ITGA2: variants seen among roughly 807,000 people sequenced by gnomAD.
ITGA2 encodes integrin subunit alpha 2, also known as integrin alpha-2.
ITGA2 carries 101 observed loss-of-function variants against 146.3 expected under a neutral mutation model. The observed-to-expected ratio is 0.69, with a 90% confidence interval of 0.59 to 0.81. ITGA2 has a LOEUF of 0.81. Ranked by LOEUF, ITGA2 falls within the 40% of genes least tolerant of loss-of-function variation. The pLI, the probability that ITGA2 is intolerant of heterozygous loss-of-function variation, is 0.00. For missense variants in ITGA2, 1,281 were observed against 1,402.7 expected (o/e 0.91, Z 1.39); for synonymous variants, 477 against 487.1 (o/e 0.98, Z 0.27).
In ITGA2 at chr5:53,073,180, A is replaced by G. The variant is rs781397727; in HGVS notation, c.2492A>G (p.Asn831Ser). 1.2e-6 allele frequency: 2 copies of G among 1,612,402 alleles called. No homozygotes were observed. The highest frequency in any genetic ancestry group is 1.3e-5 in the African/African-American group (1 of 74,788). ...KRLTFSVTLK[N>S]KRESAYNTGI... ...TTAACATTTTCAGTAACGCTGAAAA[A>G]TAAAAGGGAAAGTGCATACAACACT... Residue 831 changes from asparagine to serine, a missense_variant, in exon 20 of 30, where the codon AAT becomes AGT. This residue lies in a region of ITGA2 where 475 missense variants were observed against 530.5 expected (regional missense o/e 0.90). Transcript: ENST00000296585.
At chr5:53,035,483 T>G (rs894800920) in intron 2 of ITGA2, among the ~76,000 whole-genome samples, 1 of 152,214 alleles carries the variant, frequency 6.6e-6, no homozygotes, top group East Asian at 1.9e-4. Context: ...TCCCGCTAAC[T>G]GAGGAGACAA....
intron 9 of ITGA2, among the ~76,000 whole-genome samples, chr5:53,056,858 T>C (rs3212526): frequency 0.1 from 15,704 of 151,542 alleles, 937 homozygotes; most frequent in Middle Eastern, 0.16. Context: ...CAAATCCTAG[T>C]TCTTGATGGT....
Position 53,092,592 on chromosome 5 carries a change from A to G in ITGA2, c.*1993A>G, listed in dbSNP as rs994507767. 6.6e-6 allele frequency: 1 copy of G among 151,534 alleles called. No individual in the cohort carries two copies. Among genetic ancestry groups the G allele is most frequent in the African/African-American group, 2.4e-5 (1 of 41,132 alleles). The allele number at this position is 151,534 out of a possible 1,614,324, so 9.4% of individuals were successfully genotyped here. On this transcript the variant is annotated 3_prime_UTR_variant, in exon 30 of 30. Transcript: ENST00000296585. ...GTCCAATTCTTTTAACAGCTGTGAG[A>G]ATTTGCTGCTTCATTCCAACAAAAT...
chr5:53,041,253 G>A (rs1194070757), intron 2 of ITGA2, among the ~76,000 whole-genome samples: 1 of 152,074 alleles, frequency 6.6e-6, no homozygotes. Flanking sequence ...AGTGTCAGGT[G>A]AGTGCTTCTG....
chr5:53,074,489 A>T lies in ITGA2; in HGVS notation c.2664+12A>T. On this transcript the variant is annotated intron_variant, in intron 21 of 29. Coordinates refer to ENST00000296585, the MANE Select transcript of ITGA2 (RefSeq NM_002203.4). ...AGAGAGAACAACAGGTACAACTTGC[A>T]TTTCATCCTCCAATCCATACAAGCC... 1.1e-5 allele frequency: 17 copies of T among 1,598,046 alleles called. No individual in the cohort carries two copies. Among genetic ancestry groups the T allele is most frequent in the Non-Finnish European group, 1.4e-5 (16 of 1,166,062 alleles).
chr5:53,018,539 GC>G (rs1291254676), intron 1 of ITGA2, among the ~76,000 whole-genome samples: 1 of 151,804 alleles, frequency 6.6e-6, no homozygotes, highest in Non-Finnish European at 1.5e-5. Flanking sequence ...CACTCTCAAT[GC>G]CTTCCCTGCA....
rs1225381146 is a variant in ITGA2 at position 53,075,112 on chromosome 5, G to T, written c.2716G>T (p.Ala906Ser). The change falls in exon 22 of 30, where the codon GCG (alanine) becomes TCG (serine). Residue 906 changes from alanine to serine, a missense_variant. Physicochemically the swap from Ala to Ser is moderately conservative, Grantham distance 99 (BLOSUM62 1). Transcript: ENST00000296585. ...DFNLQNLQNQ[A>S]SLSFQALSES... is the part of the protein sequence containing the mutation. Reference sequence around the variant, plus strand: ...CAATCTTCAAAACCTTCAGAATCAGGCGTCTCTCAGTTTCCAAGCCTTAAG... The same window carrying T: ...CAATCTTCAAAACCTTCAGAATCAGTCGTCTCTCAGTTTCCAAGCCTTAAG... The T allele has an allele frequency of 6.2e-7, 1 of 1,611,916 alleles. No individual in the cohort carries two copies.
chr5:53,046,084 G>A (rs1408776151), intron 4 of ITGA2, among the ~76,000 whole-genome samples: 1 of 151,236 alleles, frequency 6.6e-6, no homozygotes, highest in East Asian at 1.9e-4. Flanking sequence ...CCAGCTACTC[G>A]GGAGGCTGAG....
Position 53,070,221 on chromosome 5 carries a change from T to C in ITGA2, c.2196T>C (p.Asn732=). 1.2e-6 allele frequency: 2 copies of C among 1,611,866 alleles called. No individual in the cohort carries two copies. The highest frequency in any genetic ancestry group is 1.7e-6 in the Non-Finnish European group (2 of 1,178,654). ...GCCTGCAGAAGAATATGGTAGTAAA[T>C]CAAGCACAGAGTTGCCCCGAGCACA... The part of the protein sequence containing the change: ...ERCLQKNMVV[N]QAQSCPEHII... The change falls in exon 17 of 30, where the codon AAT becomes AAC. Residue 732 remains asparagine (N), a synonymous_variant. Transcript: ENST00000296585.
intron 1 of ITGA2, among the ~76,000 whole-genome samples, chr5:53,014,145 G>C (rs1381170618): frequency 1.3e-5 from 2 of 152,002 alleles, no homozygotes; most frequent in Non-Finnish European, 2.9e-5. Context: ...TGATAAATAG[G>C]ACTGGTGAGG....
At chr5:53,040,303 A>G (rs549566045) in intron 2 of ITGA2, among the ~76,000 whole-genome samples, 1 of 152,324 alleles carries the variant, frequency 6.6e-6, no homozygotes, top group South Asian at 2.1e-4. Context: ...TGCAAAAATC[A>G]GAGTTAATGC....
At chr5:53,051,803 T>C (rs1744382686) in intron 7 of ITGA2, among the ~76,000 whole-genome samples, 1 of 152,178 alleles carries the variant, frequency 6.6e-6, no homozygotes, top group African/African-American at 2.4e-5. Context: ...TTTAAATGAA[T>C]TTATGTGAAG....
rs377679929 is a variant in ITGA2, at chr5:52,989,451, C to G, written c.-18C>G. ...TCTGCAAACCCAGCGCAACTACGGTCCCCCGGTCAGACCCAGGATGGGGCC... is the reference window on the plus strand; with the variant it reads ...TCTGCAAACCCAGCGCAACTACGGTGCCCCGGTCAGACCCAGGATGGGGCC... On this transcript the variant is annotated 5_prime_UTR_variant, in exon 1 of 30. Coordinates refer to ENST00000296585, the MANE Select transcript of ITGA2 (RefSeq NM_002203.4). 1.9e-6 allele frequency: 3 copies of G among 1,613,682 alleles called. No individual in the cohort carries two copies. Among genetic ancestry groups the G allele is most frequent in the East Asian group, 2.2e-5 (1 of 44,882 alleles).
rs1276566161 is a variant in ITGA2, at chr5:53,091,689, G to A, written c.*1090G>A. ...AGCTGCTGTGCATTAGATATTAGGG[G>A]GGAAAGTCATCTGTTTAATTTACAC... On this transcript the variant is annotated 3_prime_UTR_variant, in exon 30 of 30. Transcript: ENST00000296585. The A allele has an allele frequency of 6.6e-6, 1 of 152,176 alleles. No individual in the cohort carries two copies. The highest frequency in any genetic ancestry group is 1.5e-5 in the Non-Finnish European group (1 of 68,048). 9.4% of individuals were successfully genotyped at this position (152,176 alleles called of 1,614,324 possible).
intron 1 of ITGA2, among the ~76,000 whole-genome samples, chr5:53,017,553 A>G (rs544484366): frequency 1.3e-5 from 2 of 152,352 alleles, no homozygotes; most frequent in East Asian, 1.9e-4. Context: ...AGCAGGATCC[A>G]TCGTCACTTT....
At position 52,989,451 on chromosome 5, in the gene ITGA2, C is replaced by T. The variant is rs377679929; in HGVS notation, c.-18C>T. The T allele has an allele frequency of 1.1e-5, 18 of 1,613,682 alleles. No individual in the cohort carries two copies. The highest frequency in any genetic ancestry group is 1.6e-4 in the Middle Eastern group (1 of 6,062). The stretch of plus-strand genomic sequence containing the variant: ...TCTGCAAACCCAGCGCAACTACGGT[C>T]CCCCGGTCAGACCCAGGATGGGGCC... On this transcript the variant is annotated 5_prime_UTR_variant, in exon 1 of 30. Coordinates refer to ENST00000296585, the MANE Select transcript of ITGA2 (RefSeq NM_002203.4).
chr5:53,088,039 A>G (rs1376401286), intron 28 of ITGA2, among the ~76,000 whole-genome samples: 1 of 152,214 alleles, frequency 6.6e-6, no homozygotes, highest in Non-Finnish European at 1.5e-5. Flanking sequence ...CTGGTTTAGG[A>G]GCCTCAGTGA....
Sources: gnomAD v4.1 joint callset for allele counts (sites outside exome capture counted in the v4.1 genomes callset) on GRCh38, gnomAD v4.1.1 for gene constraint, gnomAD v4.1.1 regional missense constraint, MANE v1.5 for transcripts, NCBI Gene and HGNC (gene_info 2026-07-23, HGNC 2026-07-21) for gene names.